SCMH1: variants seen among roughly 807,000 people sequenced by gnomAD.
SCMH1 encodes Scm polycomb group protein homolog 1.
In SCMH1, 37 loss-of-function variants were observed where a neutral mutation model predicts 70.8. That is an observed-to-expected ratio of 0.52 (90% confidence interval 0.40 to 0.69). The LOEUF (loss-of-function observed/expected upper bound fraction) is 0.69, where lower values mean the gene tolerates loss of function less well. SCMH1 is among the 30% of genes least tolerant of loss of function. The pLI is 0.00. For synonymous variants in SCMH1, 292 were observed against 307.4 expected (o/e 0.95, Z 0.52); for missense variants, 607 against 827.3 (o/e 0.73, Z 3.27).
At chr1:41,211,152 C>T (rs1251749708) in intron 1 of SCMH1, among the ~76,000 whole-genome samples, 2 of 152,038 alleles carry the variant, frequency 1.3e-5, no homozygotes, top group Non-Finnish European at 2.9e-5. Flanking sequence ...AAACAAAAGC[C>T]AAAATAGACA....
chr1:41,052,094 A>G (rs768426980), intron 10 of SCMH1, among the ~76,000 whole-genome samples: 4 of 152,220 alleles, frequency 2.6e-5, no homozygotes, highest in Non-Finnish European at 4.4e-5. Context: ...TTGTGCTGCA[A>G]CTGCCTATAG....
At chr1:41,156,953 CTT>C (rs66641047) in intron 4 of SCMH1, among the ~76,000 whole-genome samples, 15,073 of 110,926 alleles carry the variant, frequency 0.14, 972 homozygotes, top group East Asian at 0.27. Flanking sequence ...TATAAGCCAA[CTT>C]TTTTTTTTTT....
chr1:41,046,847 G>T (rs1178585581), intron 11 of SCMH1, among the ~76,000 whole-genome samples: 1 of 152,184 alleles, frequency 6.6e-6, no homozygotes, highest in East Asian at 1.9e-4. Flanking sequence ...GCTCTGGAAT[G>T]ATTTTATTCA....
exon 13 of SCMH1, chr1:41,037,500 C>T: frequency 6.2e-7 from 1 of 1,614,168 alleles, no homozygotes; most frequent in Non-Finnish European, 8.5e-7. Flanking sequence ...GAGTGTGGTT[C>T]CAAGGAGCGG....
At chr1:41,179,929 C>G (rs922266131) in intron 2 of SCMH1, among the ~76,000 whole-genome samples, 1 of 152,080 alleles carries the variant, frequency 6.6e-6, no homozygotes, top group African/African-American at 2.4e-5. Flanking sequence ...AATTTTAGAC[C>G]AATATCCTTG....
intron 12 of SCMH1, among the ~76,000 whole-genome samples, chr1:41,042,582 C>A (rs771751045): frequency 6.6e-5 from 10 of 151,986 alleles, no homozygotes; most frequent in Non-Finnish European, 1.3e-4. Flanking sequence ...CTTATTTGAT[C>A]CAGCCACATG....
chr1:41,080,035 T>G (rs1390109053), intron 8 of SCMH1, among the ~76,000 whole-genome samples: 2 of 151,978 alleles, frequency 1.3e-5, no homozygotes, highest in African/African-American at 4.8e-5. Context: ...TGGGTACTAT[T>G]TTTTCTTACA....
chr1:41,139,796 A>G (rs1427259074), intron 6 of SCMH1, among the ~76,000 whole-genome samples: 1 of 152,194 alleles, frequency 6.6e-6, no homozygotes, highest in Non-Finnish European at 1.5e-5. Flanking sequence ...AGAAGGAAAG[A>G]CCAAGGTGAA....
intron 1 of SCMH1, among the ~76,000 whole-genome samples, chr1:41,236,573 A>G (rs926521836): frequency 1.4e-4 from 21 of 152,216 alleles, no homozygotes; most frequent in Non-Finnish European, 4.4e-5. Context: ...ATAACAGGTG[A>G]TAAGTCTTGC....
intron 8 of SCMH1, among the ~76,000 whole-genome samples, chr1:41,097,452 C>T (rs1223808840): frequency 6.6e-6 from 1 of 152,132 alleles, no homozygotes; most frequent in African/African-American, 2.4e-5. Context: ...GAAACTGTCT[C>T]CCGAATGTCT....
At chr1:41,102,189 G>C (rs1445677875) in intron 8 of SCMH1, among the ~76,000 whole-genome samples, 2 of 152,164 alleles carry the variant, frequency 1.3e-5, no homozygotes, top group Non-Finnish European at 2.9e-5. Flanking sequence ...GTGTGTGTGT[G>C]TCTACATGGC....
chr1:41,053,130 G>C (rs1426113121), intron 10 of SCMH1, among the ~76,000 whole-genome samples: 14 of 15,258 alleles, frequency 9.2e-4, no homozygotes, highest in Non-Finnish European at 7.3e-4. Context: ...TGATCTGCCC[G>C]CCTCAGCCTC....
chr1:41,190,688 GTGTGTATACAAATATATACA>G (rs1334038443), intron 1 of SCMH1, among the ~76,000 whole-genome samples: 1 of 152,268 alleles, frequency 6.6e-6, no homozygotes, highest in Non-Finnish European at 1.5e-5. Context: ...ATGTATGTAT[GTGTGTATACAAATATATACA>G]ATACCAACTT....
chr1:41,127,711 G>A (rs1179550398), intron 6 of SCMH1, among the ~76,000 whole-genome samples: 1 of 152,174 alleles, frequency 6.6e-6, no homozygotes, highest in African/African-American at 2.4e-5. Flanking sequence ...TGAAGGTTAA[G>A]TGAAGTCACG....
At chr1:41,205,875 A>C (rs1356709259) in intron 1 of SCMH1, among the ~76,000 whole-genome samples, 3 of 152,234 alleles carry the variant, frequency 2.0e-5, no homozygotes, top group Non-Finnish European at 4.4e-5. Context: ...GCTGTTCTGC[A>C]GCCTCCGCTG....
At chr1:41,160,993 A>G in intron 3 of SCMH1, 95 bp from the exon 4 acceptor site, 2 of 1,225,266 alleles carry the variant, frequency 1.6e-6, no homozygotes, top group Non-Finnish European at 2.3e-6. Flanking sequence ...GAAATCGAGT[A>G]TTTGTCTAGT....
At chr1:41,227,805 C>T (rs562465778) in intron 1 of SCMH1, among the ~76,000 whole-genome samples, 46 of 152,102 alleles carry the variant, frequency 3.0e-4, no homozygotes, top group African/African-American at 1.1e-3. Flanking sequence ...AGTGAAACCC[C>T]GTCTCTACTA....
chr1:41,154,319 T>C (rs1200063905), intron 4 of SCMH1, among the ~76,000 whole-genome samples: 1 of 152,254 alleles, frequency 6.6e-6, no homozygotes, highest in African/African-American at 2.4e-5. Context: ...ACTACTGGTG[T>C]AGTTTAAATA....
Position 41,113,155 on chromosome 1 carries a change from G to T in SCMH1, c.745+128C>A. 1 of 1,223,510 alleles carries T rather than the reference G, an allele frequency of 8.2e-7. No homozygotes were observed. The highest frequency in any genetic ancestry group is 1.1e-6 in the Non-Finnish European group (1 of 887,738). 75.8% of individuals were successfully genotyped at this position (1,223,510 alleles called of 1,614,324 possible). A position where few individuals can be genotyped will look rare whatever the true frequency, so the allele number is the denominator to read the frequency against. ...CTGGTAGACCTGGGTTTTTACCTAA[G>T]CTGCTGGCCCTTGCTCCTCCCCTGC... On this transcript the variant is annotated intron_variant, in intron 8 of 14. Transcript: ENST00000337495. The surrounding 1 kb of genome is among the most constrained non-coding windows in gnomAD (Gnocchi z 4.3).
Sources: gnomAD v4.1 joint callset for allele counts (sites outside exome capture counted in the v4.1 genomes callset) on GRCh38, gnomAD v4.1.1 for gene constraint, Gnocchi (gnomAD v3.1) non-coding constraint, MANE v1.5 for transcripts, NCBI Gene and HGNC (gene_info 2026-07-23, HGNC 2026-07-21) for gene names.